Variants in PLXDC2 observed in about 807,000 individuals in gnomAD.
PLXDC2 encodes the protein plexin domain containing 2.
PLXDC2 carries 40 observed loss-of-function variants against 68.9 expected under a neutral mutation model. That is an observed-to-expected ratio of 0.58 (90% CI 0.45 to 0.76). The LOEUF (loss-of-function observed/expected upper bound fraction) is 0.76, where lower values mean the gene tolerates loss of function less well. PLXDC2 is among the 30% of genes least tolerant of loss of function. The probability of loss-of-function intolerance (pLI) is 0.00; values close to 1 mark genes in which losing one functional copy is unlikely to be tolerated. For synonymous variants in PLXDC2, 243 were observed against 234.2 expected (o/e 1.04, Z -0.34); for missense variants, 644 against 661.9 (o/e 0.97, Z 0.30).
rs140442189 is a variant in PLXDC2 at position 20,245,392 on chromosome 10, G to A, written c.1360G>A (p.Ala454Thr). 1.7e-5 allele frequency: 27 copies of A among 1,613,880 alleles called. No homozygotes were observed. The highest frequency in any genetic ancestry group is 4.0e-5 in the African/African-American group (3 of 74,920). ...TGAGAAGAAAGGGGGAACCCTCCAC[G>A]CTGGCCTCATCATTGGAATCCTCAT... ...AAEKKGGTLH[A>T]GLIIGILILV... The change falls in exon 13 of 14, where the codon GCT (alanine) becomes ACT (threonine). Residue 454 changes from alanine (A) to threonine (T), a missense_variant. Around this residue, in one of 3 missense-constraint regions of PLXDC2, gnomAD observed 330 missense variants for 327.9 expected, o/e 1.01. Coordinates refer to ENST00000377252, the MANE Select transcript of PLXDC2 (RefSeq NM_032812.9).
At chr10:20,152,657 A>C (rs905010093) in intron 6 of PLXDC2, among the ~76,000 whole-genome samples, 1 of 152,296 alleles carries the variant, frequency 6.6e-6, no homozygotes, top group Admixed American at 6.5e-5. Context: ...AAAATTAACT[A>C]TAACATCTAT....
intron 2 of PLXDC2, among the ~76,000 whole-genome samples, chr10:20,042,850 T>G (rs1355230140): frequency 6.6e-6 from 1 of 152,200 alleles, no homozygotes; most frequent in African/African-American, 2.4e-5. Context: ...CACATTTCCA[T>G]GCATTTTCGA....
intron 1 of PLXDC2, among the ~76,000 whole-genome samples, chr10:19,842,946 T>C (rs1005850373): frequency 6.6e-6 from 1 of 152,228 alleles, no homozygotes; most frequent in Non-Finnish European, 1.5e-5. Flanking sequence ...CACAGCTAAA[T>C]GTATTCAGTG....
chr10:20,086,634 T>C (rs1833201089), intron 4 of PLXDC2, among the ~76,000 whole-genome samples: 3 of 152,210 alleles, frequency 2.0e-5, no homozygotes, highest in East Asian at 3.9e-4. Context: ...TTCACATTAT[T>C]GTTGCCATTT....
intron 1 of PLXDC2, among the ~76,000 whole-genome samples, chr10:19,892,182 A>G (rs947014748): frequency 6.6e-6 from 1 of 152,172 alleles, no homozygotes; most frequent in South Asian, 2.1e-4. Context: ...ATACTTAAAT[A>G]TTTCTTTGAC....
intron 1 of PLXDC2, among the ~76,000 whole-genome samples, chr10:19,992,154 G>A (rs567742910): frequency 6.6e-6 from 1 of 152,148 alleles, no homozygotes; most frequent in Admixed American, 6.5e-5. Context: ...AATCAATGTA[G>A]AATATTTAAT....
chr10:19,868,014 T>G (rs983855910), intron 1 of PLXDC2, among the ~76,000 whole-genome samples: 1 of 152,192 alleles, frequency 6.6e-6, no homozygotes, highest in African/African-American at 2.4e-5. Flanking sequence ...TATTTAGAAA[T>G]TAAAACTGTT....
At chr10:20,182,032 A>C (rs1834611570) in intron 9 of PLXDC2, among the ~76,000 whole-genome samples, 1 of 151,126 alleles carries the variant, frequency 6.6e-6, no homozygotes, top group Non-Finnish European at 1.5e-5. Context: ...ATCAGGAGAG[A>C]TGAATGAATG....
chr10:19,930,872 G>A (rs1049271725), intron 1 of PLXDC2, among the ~76,000 whole-genome samples: 2 of 152,050 alleles, frequency 1.3e-5, no homozygotes, highest in Non-Finnish European at 2.9e-5. Flanking sequence ...CTGGAGACAT[G>A]AGAATCACTT....
At chr10:19,889,043 A>G (rs1837900225) in intron 1 of PLXDC2, among the ~76,000 whole-genome samples, 1 of 152,052 alleles carries the variant, frequency 6.6e-6, no homozygotes, top group Admixed American at 6.6e-5. Flanking sequence ...GAAAAAAAAT[A>G]CCATTATCTC....
intron 7 of PLXDC2, among the ~76,000 whole-genome samples, chr10:20,170,304 C>A (rs1834430476): frequency 6.6e-6 from 1 of 152,160 alleles, no homozygotes; most frequent in Non-Finnish European, 1.5e-5. Flanking sequence ...GCTTCTCCTG[C>A]CTCGGTCTCC....
At chr10:19,993,754 G>A (rs984589947) in intron 1 of PLXDC2, among the ~76,000 whole-genome samples, 1 of 152,110 alleles carries the variant, frequency 6.6e-6, no homozygotes, top group African/African-American at 2.4e-5. Flanking sequence ...CTGTTTAATT[G>A]GATTTTCCCG....
chr10:20,128,025 G>C (rs1401644044), intron 4 of PLXDC2, among the ~76,000 whole-genome samples: 1 of 152,128 alleles, frequency 6.6e-6, no homozygotes, highest in African/African-American at 2.4e-5. Context: ...GGTCAACCTA[G>C]ACAGAAATTC....
intron 7 of PLXDC2, among the ~76,000 whole-genome samples, chr10:20,172,230 GAAAAAAAAAAAA>G (rs571463676): frequency 1.8e-5 from 2 of 110,610 alleles, no homozygotes; most frequent in African/African-American, 3.2e-5. Flanking sequence ...TTGTGAAAAG[GAAAAAAAAAAAA>G]AAAAAAAGAG....
chr10:20,164,356 T>C, intron 6 of PLXDC2, 112 bp from the exon 7 acceptor site: 1 of 860,856 alleles, frequency 1.2e-6, no homozygotes, highest in Non-Finnish European at 1.9e-6. Context: ...CCCTTTCTAG[T>C]CTTTTATCTC....
chr10:19,877,207 G>A (rs1564616596), intron 1 of PLXDC2, among the ~76,000 whole-genome samples: 1 of 151,876 alleles, frequency 6.6e-6, no homozygotes, highest in Non-Finnish European at 1.5e-5. Flanking sequence ...GAGAGGGAGG[G>A]GAGTTGAAGG....
chr10:19,822,011 C>A lies in PLXDC2; in HGVS notation c.112+4820C>A, dbSNP rs535837444. ...TTCTTATTCTATGTATAAGAGAAAG[C>A]AAATTGCATTTGTATTTCCGTGTCT... is the stretch of plus-strand genomic sequence containing the variant. On this transcript the variant is annotated intron_variant, in intron 1 of 13. Coordinates refer to ENST00000377252, the MANE Select transcript of PLXDC2 (RefSeq NM_032812.9). Among the ~76,000 whole-genome samples the A allele has an allele frequency of 8.5e-4, 129 of 152,062 alleles. 1 individual carries two copies. Among genetic ancestry groups the A allele is most frequent in the African/African-American group, 2.9e-3 (122 of 41,530 alleles).
chr10:19,921,381 C>G (rs757704155), intron 1 of PLXDC2, among the ~76,000 whole-genome samples: 2 of 152,108 alleles, frequency 1.3e-5, no homozygotes, highest in African/African-American at 2.4e-5. Context: ...TTCAGAGGGA[C>G]AGTTTCATCC....
intron 9 of PLXDC2, among the ~76,000 whole-genome samples, chr10:20,178,072 C>T (rs1834553056): frequency 6.6e-6 from 1 of 152,018 alleles, no homozygotes; most frequent in African/African-American, 2.4e-5. Flanking sequence ...GATATATTTT[C>T]ATAGCAAGGG....
Sources: gnomAD v4.1 joint callset for allele counts (sites outside exome capture counted in the v4.1 genomes callset) on GRCh38, gnomAD v4.1.1 for gene constraint, gnomAD v4.1.1 regional missense constraint, MANE v1.5 for transcripts, NCBI Gene and HGNC (gene_info 2026-07-23, HGNC 2026-07-21) for gene names.